Variants in RPA3 observed in about 807,000 individuals in gnomAD.
RPA3 encodes the protein replication protein A 14 kDa subunit.
In RPA3, 24 loss-of-function variants were observed where a neutral mutation model predicts 13.7. That is an observed-to-expected ratio of 1.75 (90% CI 1.27 to 2.46). The LOEUF is 2.46. Ranked by LOEUF, RPA3 falls within the 30% of genes most tolerant of loss-of-function variation. RPA3 has a pLI of 0.00. For missense variants in RPA3, 183 were observed against 151.0 expected (o/e 1.21, Z -1.11); for synonymous variants, 59 against 51.2 (o/e 1.15, Z -0.65).
chr7:7,644,367 T>A (rs1378041562), intron 4 of RPA3, among the ~76,000 whole-genome samples: 3 of 151,212 alleles, frequency 2.0e-5, no homozygotes, highest in African/African-American at 7.3e-5. Context: ...TTTTTTTTTT[T>A]ATTAGGAAGA....
intron 4 of RPA3, among the ~76,000 whole-genome samples, chr7:7,665,731 C>T (rs186186294): frequency 1.3e-5 from 2 of 152,006 alleles, no homozygotes; most frequent in Admixed American, 6.6e-5. Context: ...GATATACTTT[C>T]TTTCACTGTA....
chr7:7,689,951 A>G (rs1247758501), intron 2 of RPA3, among the ~76,000 whole-genome samples: 3 of 152,188 alleles, frequency 2.0e-5, no homozygotes, highest in Middle Eastern at 6.3e-3. Flanking sequence ...CTACTTATAT[A>G]TAGGTGTTTT....
intron 5 of RPA3, chr7:7,640,109 G>A (rs759621703): frequency 3.3e-5 from 19 of 582,022 alleles, no homozygotes; most frequent in Non-Finnish European, 5.2e-5. Flanking sequence ...TTAGAACTCA[G>A]CATTTGAAAA....
chr7:7,696,265 C>A (rs933519299), intron 2 of RPA3, among the ~76,000 whole-genome samples: 1 of 150,818 alleles, frequency 6.6e-6, no homozygotes, highest in Non-Finnish European at 1.5e-5. Context: ...AAGACTCACT[C>A]TTTTAGCCAA....
intron 4 of RPA3, among the ~76,000 whole-genome samples, chr7:7,657,661 A>G (rs934350928): frequency 6.6e-6 from 1 of 151,800 alleles, no homozygotes; most frequent in Non-Finnish European, 1.5e-5. Context: ...GTTCTGTTCC[A>G]TTGGTGTATA....
At chr7:7,671,791 C>A (rs1779611492) in intron 4 of RPA3, among the ~76,000 whole-genome samples, 1 of 152,072 alleles carries the variant, frequency 6.6e-6, no homozygotes, top group South Asian at 2.1e-4. Flanking sequence ...ATAGAGAGTG[C>A]CAAACTGTTT....
intron 2 of RPA3, among the ~76,000 whole-genome samples, chr7:7,708,315 G>A (rs1780657391): frequency 1.3e-5 from 2 of 152,094 alleles, no homozygotes; most frequent in African/African-American, 4.8e-5. Flanking sequence ...AGTTAATGTT[G>A]AATAAGCTAC....
chr7:7,688,578 G>C (rs192222304), intron 2 of RPA3, among the ~76,000 whole-genome samples: 1 of 152,210 alleles, frequency 6.6e-6, no homozygotes, highest in African/African-American at 2.4e-5. Context: ...CTGTCTCGAG[G>C]CTTCCTCAGT....
intron 4 of RPA3, among the ~76,000 whole-genome samples, chr7:7,684,906 A>T (rs551388326): frequency 2.8e-4 from 42 of 152,314 alleles, no homozygotes; most frequent in African/African-American, 9.4e-4. Context: ...TCCATACAAC[A>T]TCTGTAGGGA....
chr7:7,692,864 C>T (rs760551483), intron 2 of RPA3, among the ~76,000 whole-genome samples: 11 of 152,186 alleles, frequency 7.2e-5, no homozygotes, highest in Non-Finnish European at 1.6e-4. Context: ...GCCTCGGCTT[C>T]CCACAGGGCT....
At chr7:7,641,816 C>T (rs1291404730) in intron 4 of RPA3, 4 of 152,084 alleles carry the variant, frequency 2.6e-5, no homozygotes, top group Non-Finnish European at 4.4e-5. Flanking sequence ...TTCCCTTAAG[C>T]AAAAAAGATC....
At chr7:7,639,768 C>T (rs1182815911) in intron 5 of RPA3, 1 of 157,274 alleles carries the variant, frequency 6.4e-6, no homozygotes, top group Non-Finnish European at 1.4e-5. Flanking sequence ...GTTTTCTTTT[C>T]CTCAGCTTTT....
At chr7:7,710,076 C>A (rs1780714936) in intron 2 of RPA3, among the ~76,000 whole-genome samples, 1 of 152,192 alleles carries the variant, frequency 6.6e-6, no homozygotes. Context: ...TTGCCTCTCT[C>A]ACTCAGTATC....
At chr7:7,640,091 A>G in intron 5 of RPA3, 1 of 553,520 alleles carries the variant, frequency 1.8e-6, no homozygotes, top group African/African-American at 1.9e-5. Context: ...GGCGACGGGC[A>G]CTGGAATTTA....
chr7:7,663,056 T>C (rs1182170599), intron 4 of RPA3, among the ~76,000 whole-genome samples: 1 of 152,142 alleles, frequency 6.6e-6, no homozygotes, highest in African/African-American at 2.4e-5. Context: ...GATTTCTTAT[T>C]ATAACCCAGC....
chr7:7,670,709 T>C (rs1779585168), intron 4 of RPA3, among the ~76,000 whole-genome samples: 1 of 152,172 alleles, frequency 6.6e-6, no homozygotes, highest in South Asian at 2.1e-4. Context: ...CTTCATGAAC[T>C]AAAAAGACAA....
At chr7:7,641,479 T>G (rs1784972921) in intron 4 of RPA3, 1 of 152,210 alleles carries the variant, frequency 6.6e-6, no homozygotes, top group Non-Finnish European at 1.5e-5. Context: ...GACTCTGACT[T>G]TTGGCCATAT....
At chr7:7,696,293 A>T (rs1261193786) in intron 2 of RPA3, among the ~76,000 whole-genome samples, 1 of 151,496 alleles carries the variant, frequency 6.6e-6, no homozygotes, top group East Asian at 1.9e-4. Context: ...AAGAATTATT[A>T]GGTAGATTAA....
At position 7,637,988 on chromosome 7, in the gene RPA3, A is replaced by C. The variant is rs375680613; in HGVS notation, c.175-16T>G. On this transcript the variant is annotated splice_polypyrimidine_tract_variant and intron_variant, in intron 6 of 7. Transcript: ENST00000223129. The stretch of plus-strand genomic sequence containing the variant: ...CTTCATCAAGCTAAGACACAGAACA[A>C]GACATCGATTTGGTGATATCACATT... The C allele has an allele frequency of 1.9e-6, 3 of 1,596,424 alleles. No individual in the cohort carries two copies. Among genetic ancestry groups the C allele is most frequent in the African/African-American group, 2.7e-5 (2 of 74,586 alleles).
Sources: gnomAD v4.1 joint callset for allele counts (sites outside exome capture counted in the v4.1 genomes callset) on GRCh38, gnomAD v4.1.1 for gene constraint, MANE v1.5 for transcripts, NCBI Gene and HGNC (gene_info 2026-07-23, HGNC 2026-07-21) for gene names.